DUS3L: variants seen among roughly 807,000 people sequenced by gnomAD.
DUS3L encodes tRNA-dihydrouridine(47) synthase [NAD(P)(+)]-like.
In DUS3L, 62 loss-of-function variants were observed where a neutral mutation model predicts 74.6. The observed-to-expected ratio is 0.83, with a 90% CI of 0.68 to 1.03. The LOEUF (loss-of-function observed/expected upper bound fraction) is 1.03, where lower values mean the gene tolerates loss of function less well. Ranked by LOEUF, DUS3L falls within the 50% of genes least tolerant of loss-of-function variation. The probability of loss-of-function intolerance (pLI) is 0.00; values close to 1 mark genes in which losing one functional copy is unlikely to be tolerated. For missense variants in DUS3L, 884 were observed against 924.4 expected (o/e 0.96, Z 0.57); for synonymous variants, 433 against 395.7 (o/e 1.09, Z -1.12).
chr19:5,785,806 AC>A lies in DUS3L; in HGVS notation c.1563-16del. On this transcript the variant is annotated splice_polypyrimidine_tract_variant and intron_variant, in intron 10 of 12. Coordinates refer to ENST00000309061, the MANE Select transcript of DUS3L (RefSeq NM_020175.3). Reference sequence around the variant, plus strand: ...GCAGGGCGCCACTGTGGGACGGGTGACGATCAGTGGGCCCAGCCACCAGCCT... The same window carrying A: ...GCAGGGCGCCACTGTGGGACGGGTGAGATCAGTGGGCCCAGCCACCAGCCT... The A allele has an allele frequency of 6.4e-7, 1 of 1,565,918 alleles. No individual in the cohort carries two copies. The highest frequency in any genetic ancestry group is 8.7e-7 in the Non-Finnish European group (1 of 1,155,336).
In DUS3L at chr19:5,785,285, A is replaced by G; in HGVS notation, c.1881-10T>C. The G allele has an allele frequency of 6.2e-7, 1 of 1,610,916 alleles. No individual in the cohort carries two copies. Among genetic ancestry groups the G allele is most frequent in the Non-Finnish European group, 8.5e-7 (1 of 1,179,298 alleles). On this transcript the variant is annotated splice_polypyrimidine_tract_variant and intron_variant, in intron 12 of 12. Transcript: ENST00000309061. ...CCCAAGGAGCATCTCGCTGTGGGAG[A>G]GCAGGTGGAAAGCGAGGTCAGGCCC... is the stretch of plus-strand genomic sequence containing the variant.
At chr19:5,787,275 C>T (rs781378688) in intron 7 of DUS3L, 21 bp downstream of exon 7, 6 of 848,918 alleles carry the variant, frequency 7.1e-6, no homozygotes, top group East Asian at 1.2e-4. Flanking sequence ...GGAGCCAGTG[C>T]GAGGATGTGG....
In DUS3L at chr19:5,789,316, T is replaced by TG; in HGVS notation, c.790dup (p.Gln264ProfsTer9). ...GCTAGTGCCCGGCCCTGCGGGGACC[T>TG]GCTGGGCACCACAGTTTTCCTGCCT... is the stretch of plus-strand genomic sequence containing the variant. On this transcript the variant is annotated frameshift_variant, in exon 3 of 13. Coordinates refer to ENST00000309061, the MANE Select transcript of DUS3L (RefSeq NM_020175.3). LOFTEE classifies it high-confidence loss of function. 6.2e-7 allele frequency: 1 copy of TG among 1,605,124 alleles called. No homozygotes were observed. The highest frequency in any genetic ancestry group is 8.5e-7 in the Non-Finnish European group (1 of 1,176,212).
chr19:5,788,875 T>C (rs1203337995), intron 3 of DUS3L, among the ~76,000 whole-genome samples: 1 of 152,020 alleles, frequency 6.6e-6, no homozygotes, highest in African/African-American at 2.4e-5. Flanking sequence ...CCCGGCTAAT[T>C]TTTGTATTTT....
In DUS3L at chr19:5,791,043, CT is replaced by C; in HGVS notation, c.98del (p.Gln33HisfsTer27). The stretch of plus-strand genomic sequence containing the variant: ...GCTTCCCTCCTGCCCCGGCGACTCA[CT>C]GACGCTTAATGGGCGCCACTCCTCG... The part of the protein sequence containing the change: ...LERGVAPIKR[Q>X]YLTTKEQFHQ... On this transcript the variant is annotated frameshift_variant and splice_region_variant, in exon 1 of 13. Coordinates refer to ENST00000309061, the MANE Select transcript of DUS3L (RefSeq NM_020175.3). LOFTEE classifies it high-confidence loss of function. 1 of 1,598,120 alleles carries C rather than the reference CT, an allele frequency of 6.3e-7. No individual in the cohort carries two copies. Among genetic ancestry groups the C allele is most frequent in the South Asian group, 1.1e-5 (1 of 88,308 alleles).
chr19:5,790,455 G>A, intron 1 of DUS3L, 120 bp from the exon 2 acceptor site: 5 of 1,250,348 alleles, frequency 4.0e-6, no homozygotes, highest in South Asian at 1.4e-5. Flanking sequence ...CACTACTTAA[G>A]AACCAGCCAG....
At chr19:5,787,474 G>A (rs2144732620) in intron 6 of DUS3L, 113 bp from the exon 7 acceptor site, 1 of 1,505,830 alleles carries the variant, frequency 6.6e-7, no homozygotes, top group South Asian at 1.1e-5. Flanking sequence ...GAAAGGCAGG[G>A]ACTCCAGGGC....
rs769735974 is a variant in DUS3L, at chr19:5,785,267, A to G, written c.1889T>C (p.Leu630Pro). 40 of 1,611,246 alleles carry G rather than the reference A, an allele frequency of 2.5e-5. No individual in the cohort carries two copies. The highest frequency in any genetic ancestry group is 3.4e-5 in the Non-Finnish European group (40 of 1,179,404). Residue 630 changes from leucine (L) to proline (P), a missense_variant, in exon 13 of 13, where the codon CTC becomes CCC. Transcript: ENST00000309061. ...GAAGCTGGGGGGCACTGGCCCAAGG[A>G]GCATCTCGCTGTGGGAGAGCAGGTG... ...AADWIRISEM[L>P]LGPVPPSFAF...
chr19:5,788,307 G>A (rs893845080), intron 4 of DUS3L, 50 bp downstream of exon 4: 2 of 1,612,612 alleles, frequency 1.2e-6, no homozygotes, highest in African/African-American at 2.7e-5. Context: ...CTGTTGGAAT[G>A]ACCACACTGC....
Position 5,790,091 on chromosome 19 carries a change from G to T in DUS3L, c.343C>A (p.Pro115Thr). The change falls in exon 2 of 13, where the codon CCC (proline) becomes ACC (threonine). Residue 115 changes from proline to threonine, a missense_variant. Coordinates refer to ENST00000309061, the MANE Select transcript of DUS3L (RefSeq NM_020175.3). ...AGCCTGTTCTTGTCGTAGTTCGTGG[G>T]CTTCACATGGGGCCGGCCCTTGTTT... is the stretch of plus-strand genomic sequence containing the variant. ...GQNKGRPHVK[P>T]TNYDKNRLCP... is the part of the protein sequence containing the mutation. 1 of 1,614,140 alleles carries T rather than the reference G, an allele frequency of 6.2e-7. No homozygotes were observed. Among genetic ancestry groups the T allele is most frequent in the Admixed American group, 1.7e-5 (1 of 60,006 alleles).
At position 5,790,895 on chromosome 19, in the gene DUS3L, C is replaced by G. The variant is rs1268874048; in HGVS notation, c.98+149G>C. On this transcript the variant is annotated intron_variant, in intron 1 of 12. Coordinates refer to ENST00000309061, the MANE Select transcript of DUS3L (RefSeq NM_020175.3). The stretch of plus-strand genomic sequence containing the variant: ...GCACGATCTCAGGTACCTCCGCTGA[C>G]CACCCTGCAGGCGGAAGAACGGCCC... The G allele has an allele frequency of 3.9e-6, 3 of 760,414 alleles. No individual in the cohort carries two copies. In the African/African-American group the frequency reaches 5.3e-5, roughly 13 times the overall value. 47.1% of individuals were successfully genotyped at this position (760,414 alleles called of 1,614,324 possible).
At position 5,791,119 on chromosome 19, in the gene DUS3L, GCCTCCGCCGTTC is replaced by G. The variant is rs1568389938; in HGVS notation, c.11_22del (p.Gly4_Glu7del). Reference sequence around the variant, plus strand: ...GCCACCACCACCATTCTCTAGAGGAGCCTCCGCCGTTCCCTCCGCCATCGGCGCCCCTCACAT... The same window carrying G: ...GCCACCACCACCATTCTCTAGAGGAGCCTCCGCCATCGGCGCCCCTCACAT... On this transcript the variant is annotated inframe_deletion, in exon 1 of 13. Coordinates refer to ENST00000309061, the MANE Select transcript of DUS3L (RefSeq NM_020175.3). 8 of 1,607,350 alleles carry G rather than the reference GCCTCCGCCGTTC, an allele frequency of 5.0e-6. No individual in the cohort carries two copies. The highest frequency in any genetic ancestry group is 2.2e-5 in the East Asian group (1 of 44,676).
chr19:5,789,133 G>T, intron 3 of DUS3L, 74 bp downstream of exon 3: 1 of 1,489,166 alleles, frequency 6.7e-7, no homozygotes, highest in Non-Finnish European at 8.9e-7. Context: ...GAACAGGAAC[G>T]TGGACACAGC....
intron 7 of DUS3L, 58 bp from the exon 8 acceptor site, chr19:5,787,229 G>T: frequency 7.4e-7 from 1 of 1,349,926 alleles, no homozygotes. Flanking sequence ...GAGACGGTGG[G>T]AGGTGGTGGG....
At position 5,787,304 on chromosome 19, in the gene DUS3L, T is replaced by C. The variant is rs1348907909; in HGVS notation, c.1270A>G (p.Met424Val). 3 of 1,042,250 alleles carry C rather than the reference T, an allele frequency of 2.9e-6. No homozygotes were observed. Among genetic ancestry groups the C allele is most frequent in the Non-Finnish European group, 3.5e-6 (3 of 857,310 alleles). The allele number at this position is 1,042,250 out of a possible 1,614,324, so 64.6% of individuals were successfully genotyped here. A position where few individuals can be genotyped will look rare whatever the true frequency, so the allele number is the denominator to read the frequency against. ...GATGTGGCTGGCCGTACCTGGTTCA[T>C]GCCACGGACGATCTGCTGGAACTTG... ...STKFQQIVRG[M>V]NQVLDVPLTV... is the part of the protein sequence containing the mutation. The change falls in exon 7 of 13, where the codon ATG becomes GTG. Residue 424 changes from methionine (M) to valine (V), a missense_variant. Physicochemically the swap from Met to Val is conservative, Grantham distance 21 (BLOSUM62 1). Transcript: ENST00000309061.
intron 8 of DUS3L, 52 bp from the exon 9 acceptor site, chr19:5,786,897 A>G (rs781717397): frequency 4.1e-5 from 64 of 1,552,026 alleles, no homozygotes; most frequent in Admixed American, 1.2e-4. Context: ...AGACGCAGAG[A>G]GGAAGAGACC....
At chr19:5,787,833 C>T in intron 5 of DUS3L, 128 bp from the exon 6 acceptor site, 6 of 1,438,978 alleles carry the variant, frequency 4.2e-6, no homozygotes, top group African/African-American at 2.8e-5. Flanking sequence ...CCGGAAGGAG[C>T]CAAGGTCTGT....
In DUS3L at chr19:5,785,220, C is replaced by G. The variant is rs753239315; in HGVS notation, c.1936G>C (p.Ala646Pro). 8 of 1,609,148 alleles carry G rather than the reference C, an allele frequency of 5.0e-6. No homozygotes were observed. The highest frequency in any genetic ancestry group is 6.8e-6 in the Non-Finnish European group (8 of 1,178,464). The change falls in exon 13 of 13, where the codon GCC (alanine) becomes CCC (proline). Residue 646 changes from alanine (A) to proline (P), a missense_variant. Physicochemically the swap from Ala to Pro is conservative, Grantham distance 27. Transcript: ENST00000309061. The stretch of plus-strand genomic sequence containing the variant: ...GCCTGAGGCTACTTGTACGCGTTGG[C>G]CTTGTGCTTCGGCAAGAAGGCGAAG... ...PSFAFLPKHK[A>P]NAYK is the part of the protein sequence containing the mutation.
intron 1 of DUS3L, among the ~76,000 whole-genome samples, chr19:5,790,591 T>C (rs1006307854): frequency 5.3e-5 from 8 of 152,136 alleles, no homozygotes; most frequent in African/African-American, 1.9e-4. Context: ...CACGTTAGGC[T>C]GCGAAAAACT....
Sources: allele counts gnomAD v4.1 joint callset (sites outside exome capture counted in the v4.1 genomes callset), GRCh38; gene constraint gnomAD v4.1.1; transcripts MANE v1.5; gene names NCBI Gene and HGNC (gene_info 2026-07-23, HGNC 2026-07-21).